The following PCDH15 variants were observed in gnomAD, a reference collection of about 807,000 sequenced individuals.
PCDH15 encodes the protein protocadherin related 15, also known as protocadherin-15.
A neutral mutation model predicts 178.5 loss-of-function variants in PCDH15; 129 were observed. The ratio of observed to expected loss-of-function variants is 0.72; its 90% CI spans 0.63 to 0.84. PCDH15 has a LOEUF of 0.84. PCDH15 is among the 40% of genes least tolerant of loss of function. The probability of loss-of-function intolerance (pLI) is 0.00; values close to 1 mark genes in which losing one functional copy is unlikely to be tolerated. For synonymous variants in PCDH15, 800 were observed against 732.0 expected (o/e 1.09, Z -1.50); for missense variants, 2,230 against 2,099.9 (o/e 1.06, Z -1.21).
At chr10:54,143,386 A>G (rs1395074698) in intron 14 of PCDH15, among the ~76,000 whole-genome samples, 1 of 152,148 alleles carries the variant, frequency 6.6e-6, no homozygotes, top group Non-Finnish European at 1.5e-5. Context: ...TGTCATCTAC[A>G]ATTATTGTTT....
At chr10:54,046,787 T>C (rs573195283) in intron 18 of PCDH15, among the ~76,000 whole-genome samples, 2 of 152,278 alleles carry the variant, frequency 1.3e-5, no homozygotes, top group South Asian at 4.1e-4. Flanking sequence ...TATCTTTAAA[T>C]CACTTTTGTG....
chr10:54,108,476 G>C (rs754436610), intron 15 of PCDH15, among the ~76,000 whole-genome samples: 1 of 152,118 alleles, frequency 6.6e-6, no homozygotes, highest in Non-Finnish European at 1.5e-5. Context: ...ACCCAAACCA[G>C]CAGTTGAAAC....
At chr10:55,374,125 A>T (rs1459671593) in intron 2 of PCDH15, among the ~76,000 whole-genome samples, 1 of 139,680 alleles carries the variant, frequency 7.2e-6, no homozygotes, top group African/African-American at 2.7e-5. Context: ...ATAATAATAA[A>T]AGAATGGGCT....
intron 3 of PCDH15, among the ~76,000 whole-genome samples, chr10:54,887,218 G>A (rs1248218200): frequency 6.6e-6 from 1 of 152,148 alleles, no homozygotes; most frequent in East Asian, 1.9e-4. Flanking sequence ...AAAAGTCTCT[G>A]TGTTTGTTTT....
chr10:54,040,343 C>A (rs1474412371), intron 18 of PCDH15, among the ~76,000 whole-genome samples: 1 of 151,840 alleles, frequency 6.6e-6, no homozygotes, highest in East Asian at 1.9e-4. Flanking sequence ...GAGGTCTGGT[C>A]TGATGGTTTT....
At chr10:54,592,845 T>G (rs908540264) in intron 2 of PCDH15, among the ~76,000 whole-genome samples, 6 of 152,108 alleles carry the variant, frequency 3.9e-5, no homozygotes, top group Admixed American at 1.3e-4. Flanking sequence ...TTCACAAAAT[T>G]TATATTTTGA....
At chr10:55,217,148 C>T (rs896517203) in intron 1 of PCDH15, among the ~76,000 whole-genome samples, 5 of 151,618 alleles carry the variant, frequency 3.3e-5, no homozygotes, top group South Asian at 2.1e-4. Context: ...AGAAATAAAC[C>T]CCTGTGATAT....
At chr10:54,206,453 T>A (rs1179533805) in intron 10 of PCDH15, among the ~76,000 whole-genome samples, 9 of 152,040 alleles carry the variant, frequency 5.9e-5, no homozygotes, top group Admixed American at 5.9e-4. Context: ...TCTTCCAACT[T>A]ATGTTTTATT....
rs192069652 is a variant in PCDH15, at chr10:54,564,715, T to C, written c.92-36838A>G. On this transcript the variant is annotated intron_variant, in intron 2 of 37. Transcript: ENST00000644397. Reference sequence around the variant, plus strand: ...TATTCCCTACATCTTAGAGTGAGATTAATAAATATGTCTTTGTTATCAATA... The same window carrying C: ...TATTCCCTACATCTTAGAGTGAGATCAATAAATATGTCTTTGTTATCAATA... 2.2e-3 allele frequency among the ~76,000 whole-genome samples: 340 copies of C among 152,228 alleles called. 1 individual carries two copies. The highest frequency in any genetic ancestry group is 3.4e-3 in the Middle Eastern group (1 of 294).
In PCDH15 at chr10:55,282,955, A is replaced by G. The variant is rs140287371; in HGVS notation, c.-156+36644T>C. 5.7e-3 allele frequency among the ~76,000 whole-genome samples: 871 copies of G among 152,292 alleles called. 13 individuals are homozygous for G. The highest frequency in any genetic ancestry group is 0.02 in the African/African-American group (834 of 41,580). The stretch of plus-strand genomic sequence containing the variant: ...TAACTTTTGGAGGAACTTACTTTAT[A>G]GTTGAACTTTGAAACAAAGAAAATA... On this transcript the variant is annotated intron_variant, in intron 1 of 5. Transcript: ENST00000458638.
intron 3 of PCDH15, among the ~76,000 whole-genome samples, chr10:54,465,232 A>G (rs2077439343): frequency 6.6e-6 from 1 of 152,074 alleles, no homozygotes; most frequent in Non-Finnish European, 1.5e-5. Context: ...TCCCTAGAAT[A>G]CTTTTCATCT....
At chr10:54,855,462 A>T (rs552195192) in intron 3 of PCDH15, among the ~76,000 whole-genome samples, 1 of 152,304 alleles carries the variant, frequency 6.6e-6, no homozygotes, top group Admixed American at 6.5e-5. Flanking sequence ...CATTTAGAGT[A>T]AAAGATTATG....
chr10:54,752,247 C>G (rs940628109), intron 1 of PCDH15, among the ~76,000 whole-genome samples: 3 of 151,348 alleles, frequency 2.0e-5, no homozygotes, highest in Non-Finnish European at 4.4e-5. Flanking sequence ...GAGGCCGAGG[C>G]GGACAGATCA....
In PCDH15 at chr10:55,417,716, A is replaced by G. The variant is rs1838518402; in HGVS notation, c.-156+209909T>C. On this transcript the variant is annotated intron_variant, in intron 2 of 5. Coordinates refer to the PCDH15 transcript ENST00000613346. Reference sequence around the variant, plus strand: ...GGACTCAGAAAATTTATTTGCTGGGATCCATTTTTAAAGTCTTACTTGAGG... The same window carrying G: ...GGACTCAGAAAATTTATTTGCTGGGGTCCATTTTTAAAGTCTTACTTGAGG... 3.3e-5 allele frequency among the ~76,000 whole-genome samples: 5 copies of G among 151,322 alleles called. No homozygotes were observed. The South Asian group carries it at 8.3e-4, about 25-fold the overall frequency.
chr10:54,457,535 C>T (rs2076907842), intron 3 of PCDH15, among the ~76,000 whole-genome samples: 1 of 152,260 alleles, frequency 6.6e-6, no homozygotes. Flanking sequence ...TATGGACCAC[C>T]TGCTATTGCT....
intron 2 of PCDH15, among the ~76,000 whole-genome samples, chr10:54,661,008 C>G (rs1374163504): frequency 2.6e-5 from 4 of 151,756 alleles, no homozygotes; most frequent in Non-Finnish European, 5.9e-5. Flanking sequence ...TAATATCATA[C>G]TGAATGGGAA....
chr10:54,488,315 G>T (rs2079278784), intron 3 of PCDH15, among the ~76,000 whole-genome samples: 1 of 151,720 alleles, frequency 6.6e-6, no homozygotes, highest in African/African-American at 2.4e-5. Flanking sequence ...TTTAACTAAA[G>T]TAGAATATTA....
chr10:55,547,897 C>CTGTGTGTGTG (rs377033615), intron 2 of PCDH15, among the ~76,000 whole-genome samples: 15 of 102,110 alleles, frequency 1.5e-4, no homozygotes, highest in African/African-American at 4.5e-4. Flanking sequence ...GTGTGTGTGT[C>CTGTGTGTGTG]TGTGTGTGTG....
chr10:55,602,610 A>G (rs996781286), intron 2 of PCDH15, among the ~76,000 whole-genome samples: 2 of 151,786 alleles, frequency 1.3e-5, no homozygotes, highest in African/African-American at 2.4e-5. Flanking sequence ...ACTGGGAGGC[A>G]CCCCCCAGCA....
Sources: gnomAD v4.1 joint callset for allele counts (sites outside exome capture counted in the v4.1 genomes callset) on GRCh38, gnomAD v4.1.1 for gene constraint, MANE v1.5 for transcripts, NCBI Gene and HGNC (gene_info 2026-07-23, HGNC 2026-07-21) for gene names.